Variants in KATNIP observed in about 807,000 individuals in gnomAD.
KATNIP encodes katanin interacting protein.
Under a neutral mutation model 174.0 loss-of-function variants are expected in KATNIP, and 126 were observed. The observed-to-expected ratio is 0.72, with a 90% CI of 0.63 to 0.84. KATNIP has a LOEUF of 0.84. Ranked by LOEUF, KATNIP falls within the 40% of genes least tolerant of loss-of-function variation. The probability of loss-of-function intolerance (pLI) is 0.00; values close to 1 mark genes in which losing one functional copy is unlikely to be tolerated. For synonymous variants in KATNIP, 810 were observed against 835.7 expected (o/e 0.97, Z 0.53); for missense variants, 1,958 against 2,109.7 (o/e 0.93, Z 1.41).
chr16:27,777,982 T>C lies in KATNIP; in HGVS notation c.4801+13T>C. The C allele has an allele frequency of 6.2e-7, 1 of 1,612,436 alleles. No homozygotes were observed. The highest frequency in any genetic ancestry group is 8.5e-7 in the Non-Finnish European group (1 of 1,178,594). On this transcript the variant is annotated intron_variant, in intron 27 of 27. Transcript: ENST00000261588. This position sits in a 1 kb window ranked among gnomAD's most constrained non-coding sequence, Gnocchi z 4.4. ...GTTGTTGACCCAGGTCAGTGGCGTT[T>C]CTCTGCCCAGAGCATTGTGCCTTGG...
intron 6 of KATNIP, among the ~76,000 whole-genome samples, chr16:27,658,690 A>G (rs370869967): frequency 2.0e-5 from 3 of 152,286 alleles, no homozygotes; most frequent in African/African-American, 7.2e-5. Context: ...TAAAAAAATA[A>G]CAGATGGAAG....
chr16:27,562,518 G>C (rs549073878), intron 1 of KATNIP, among the ~76,000 whole-genome samples: 1 of 152,290 alleles, frequency 6.6e-6, no homozygotes, highest in Admixed American at 6.5e-5. Flanking sequence ...TCTCAAGGCA[G>C]ATTGGCAGAT....
intron 13 of KATNIP, among the ~76,000 whole-genome samples, chr16:27,719,212 C>G (rs1176465189): frequency 6.6e-6 from 1 of 152,144 alleles, no homozygotes; most frequent in East Asian, 1.9e-4. Context: ...GGATATGAAG[C>G]AGTAGGGAGT....
chr16:27,580,691 T>C (rs1175794772), intron 2 of KATNIP, among the ~76,000 whole-genome samples: 1 of 139,342 alleles, frequency 7.2e-6, no homozygotes, highest in Non-Finnish European at 1.5e-5. Context: ...CACATTGTTT[T>C]CTTCTTGATT....
chr16:27,579,751 T>C (rs1390624144), intron 2 of KATNIP, among the ~76,000 whole-genome samples: 1 of 152,028 alleles, frequency 6.6e-6, no homozygotes, highest in Non-Finnish European at 1.5e-5. Context: ...CAAAAAATGC[T>C]CTTGACAGCA....
intron 6 of KATNIP, among the ~76,000 whole-genome samples, chr16:27,656,164 A>C (rs1405812339): frequency 3.3e-5 from 5 of 152,120 alleles, no homozygotes; most frequent in Non-Finnish European, 5.9e-5. Context: ...GGTAGCTGAT[A>C]CCTATCATCC....
intron 1 of KATNIP, among the ~76,000 whole-genome samples, chr16:27,555,513 G>A (rs531471462): frequency 3.9e-5 from 6 of 152,288 alleles, no homozygotes; most frequent in East Asian, 1.9e-4. Flanking sequence ...TGGCTTCAAT[G>A]AAACAATGCA....
At chr16:27,741,066 A>C in intron 15 of KATNIP, 146 bp downstream of exon 15, 122 of 811,126 alleles carry the variant, frequency 1.5e-4, no homozygotes, top group East Asian at 2.2e-4. Flanking sequence ...TCACTGTCTC[A>C]GGGGCCAAAG....
chr16:27,663,738 C>T (rs1473871498), intron 6 of KATNIP, among the ~76,000 whole-genome samples: 5 of 151,772 alleles, frequency 3.3e-5, no homozygotes, highest in African/African-American at 9.7e-5. Flanking sequence ...GGATTACAGG[C>T]GTGAGCCACT....
At chr16:27,626,194 C>G (rs1328988430) in intron 3 of KATNIP, among the ~76,000 whole-genome samples, 2 of 151,224 alleles carry the variant, frequency 1.3e-5, no homozygotes, top group East Asian at 1.9e-4. Context: ...CATCACCACT[C>G]CCCCGCCCCC....
At chr16:27,640,783 T>C (rs776714081) in intron 5 of KATNIP, among the ~76,000 whole-genome samples, 3 of 150,668 alleles carry the variant, frequency 2.0e-5, no homozygotes, top group Non-Finnish European at 4.4e-5. Flanking sequence ...ACTGCAAACC[T>C]GGGTCCTGAC....
chr16:27,633,174 TTC>T (rs1364942921), intron 5 of KATNIP, among the ~76,000 whole-genome samples: 2 of 152,138 alleles, frequency 1.3e-5, no homozygotes, highest in Non-Finnish European at 2.9e-5. Context: ...GTTGTAAGGT[TTC>T]TCTGGGGTCC....
Position 27,777,938 on chromosome 16 carries a change from C to T in KATNIP, c.4770C>T (p.Asn1590=), listed in dbSNP as rs748557535. ...QMMNENQIIT[N]AKRKQSVVDP... ...TGAATGAAAACCAAATCATTACCAA[C>T]GCGAAACGGAAGCAGAGCGTTGTTG... The change falls in exon 27 of 28, where the codon AAC becomes AAT. Residue 1590 remains asparagine, a synonymous_variant. Transcript: ENST00000261588. The surrounding 1 kb of genome is among the most constrained non-coding windows in gnomAD (Gnocchi z 4.4). The T allele has an allele frequency of 2.0e-5, 32 of 1,614,158 alleles. No homozygotes were observed. Among genetic ancestry groups the T allele is most frequent in the East Asian group, 4.5e-5 (2 of 44,888 alleles).
intron 2 of KATNIP, among the ~76,000 whole-genome samples, chr16:27,615,033 G>A (rs1021907798): frequency 6.6e-6 from 1 of 152,222 alleles, no homozygotes; most frequent in African/African-American, 2.4e-5. Context: ...ACAATTGAGG[G>A]CACAGGGTGA....
intron 6 of KATNIP, among the ~76,000 whole-genome samples, chr16:27,674,823 T>C (rs1188735621): frequency 1.3e-5 from 2 of 152,150 alleles, no homozygotes; most frequent in Admixed American, 1.3e-4. Flanking sequence ...GCAGAATACA[T>C]CCATCCCATC....
chr16:27,637,418 G>T lies in KATNIP; in HGVS notation c.408+6256G>T, dbSNP rs886512513. ...GGGTGGGGAGGTTGGGAAGGCAAAG[G>T]ACCAAAGGCAAGCAAGGGAGTCGGA... is the stretch of plus-strand genomic sequence containing the variant. On this transcript the variant is annotated intron_variant, in intron 5 of 27. Transcript: ENST00000261588. The surrounding 1 kb of genome is among the most constrained non-coding windows in gnomAD (Gnocchi z 4.7). Among the ~76,000 whole-genome samples, 1 of 152,182 alleles carries T rather than the reference G, an allele frequency of 6.6e-6. No individual in the cohort carries two copies. The highest frequency in any genetic ancestry group is 2.4e-5 in the African/African-American group (1 of 41,454).
At chr16:27,751,373 A>T (rs1201821304) in intron 16 of KATNIP, among the ~76,000 whole-genome samples, 1 of 152,138 alleles carries the variant, frequency 6.6e-6, no homozygotes, top group Non-Finnish European at 1.5e-5. Flanking sequence ...TGTAACTCCC[A>T]CACCCTTCCA....
chr16:27,614,447 CA>C (rs2075984488), intron 2 of KATNIP, among the ~76,000 whole-genome samples: 1 of 152,140 alleles, frequency 6.6e-6, no homozygotes, highest in South Asian at 2.1e-4. Context: ...AGGCGTCAGC[CA>C]CCGTGCCTGG....
At chr16:27,734,334 G>A (rs1047278209) in intron 14 of KATNIP, among the ~76,000 whole-genome samples, 2 of 147,646 alleles carry the variant, frequency 1.4e-5, no homozygotes, top group Non-Finnish European at 3.0e-5. Flanking sequence ...ACCTGCCTCA[G>A]CCTCCCAAAG....
Sources: allele counts gnomAD v4.1 joint callset (sites outside exome capture counted in the v4.1 genomes callset), GRCh38; gene constraint gnomAD v4.1.1; non-coding constraint Gnocchi (gnomAD v3.1); transcripts MANE v1.5; gene names NCBI Gene and HGNC (gene_info 2026-07-23, HGNC 2026-07-21).